The following PADI2 variants were observed in gnomAD, a reference collection of about 807,000 sequenced individuals.
The protein encoded by PADI2 is protein-arginine deiminase type-2.
In PADI2, 70 loss-of-function variants were observed where a neutral mutation model predicts 81.1. The ratio of observed to expected loss-of-function variants is 0.86; its 90% confidence interval spans 0.71 to 1.05. The LOEUF (loss-of-function observed/expected upper bound fraction) is 1.05. PADI2 is among the 50% of genes least tolerant of loss of function. The pLI, the probability that PADI2 is intolerant of heterozygous loss-of-function variation, is 0.00. For missense variants in PADI2, 853 were observed against 889.9 expected (o/e 0.96, Z 0.53); for synonymous variants, 338 against 358.0 (o/e 0.94, Z 0.63).
chr1:17,100,247 T>C (rs537711984), intron 3 of PADI2, among the ~76,000 whole-genome samples: 1 of 152,352 alleles, frequency 6.6e-6, no homozygotes, highest in African/African-American at 2.4e-5. Flanking sequence ...TAGTTTCTTT[T>C]TGCAATTGAA....
Position 17,093,602 on chromosome 1 carries a change from T to A in PADI2, c.494A>T (p.Glu165Val). ...GTAGACCTTCTCATCACGGCAGTCC[T>A]CCTTGGGCAACCAGGGTGTCTCTCG... Reference protein sequence around the residue: ...CDRETPWLPKEDCRDEKVYSK... With the variant: ...CDRETPWLPKVDCRDEKVYSK... The change falls in exon 5 of 16, where the codon GAG (glutamate) becomes GTG (valine). Residue 165 changes from glutamate to valine, a missense_variant. Glu to Val is a moderately radical substitution (Grantham distance 121). Transcript: ENST00000375486. 6.2e-7 allele frequency: 1 copy of A among 1,613,942 alleles called. No homozygotes were observed. Among genetic ancestry groups the A allele is most frequent in the South Asian group, 1.1e-5 (1 of 91,062 alleles).
chr1:17,069,138 A>G lies in PADI2; in HGVS notation c.1904T>C (p.Ile635Thr). Residue 635 changes from isoleucine (I) to threonine (T), a missense_variant, in exon 16 of 16, where the codon ATT (isoleucine) becomes ACT (threonine). Coordinates refer to ENST00000375486, the MANE Select transcript of PADI2 (RefSeq NM_007365.3). ...CCCCAGAAATTTGTGGTAGGCAGAA[A>G]TGTCGTCGATGAAGGTGCATTCGAG... ...LGLECTFIDD[I>T]SAYHKFLGEV... is the part of the protein sequence containing the mutation. 1 of 1,614,234 alleles carries G rather than the reference A, an allele frequency of 6.2e-7. No individual in the cohort carries two copies. Among genetic ancestry groups the G allele is most frequent in the Non-Finnish European group, 8.5e-7 (1 of 1,180,040 alleles).
chr1:17,079,436 T>C, intron 10 of PADI2, 21 bp from the exon 11 acceptor site: 1 of 1,601,976 alleles, frequency 6.2e-7, no homozygotes, highest in Non-Finnish European at 8.5e-7. Flanking sequence ...GGCACACACC[T>C]GCGTTAGTCT....
chr1:17,091,710 C>G (rs953438150), intron 6 of PADI2, among the ~76,000 whole-genome samples: 2 of 152,170 alleles, frequency 1.3e-5, no homozygotes, highest in Non-Finnish European at 2.9e-5. Context: ...AGGCACCCAT[C>G]TAGTGGTGCC....
At chr1:17,098,806 C>G (rs1931037730) in intron 3 of PADI2, among the ~76,000 whole-genome samples, 1 of 152,364 alleles carries the variant, frequency 6.6e-6, no homozygotes, top group African/African-American at 2.4e-5. Flanking sequence ...GACTTCGCCC[C>G]TGCAAGGCTT....
chr1:17,102,945 C>A, intron 3 of PADI2, 42 bp downstream of exon 3: 1 of 1,473,268 alleles, frequency 6.8e-7, no homozygotes, highest in Non-Finnish European at 9.5e-7. Context: ...GTGCCAGGCC[C>A]TGGGTGATGA....
intron 1 of PADI2, among the ~76,000 whole-genome samples, chr1:17,112,924 G>A (rs1931634265): frequency 6.6e-6 from 1 of 152,180 alleles, no homozygotes; most frequent in African/African-American, 2.4e-5. Context: ...CTCTGAAGCT[G>A]TGCCCTTTCT....
intron 1 of PADI2, among the ~76,000 whole-genome samples, chr1:17,114,443 C>T (rs986497273): frequency 2.0e-5 from 3 of 152,160 alleles, no homozygotes; most frequent in African/African-American, 7.2e-5. Context: ...CTGGCTGTGC[C>T]ATCCTGGACA....
chr1:17,086,493 C>T, intron 7 of PADI2, 28 bp downstream of exon 7: 1 of 1,594,730 alleles, frequency 6.3e-7, no homozygotes, highest in Non-Finnish European at 8.6e-7. Context: ...GGGGTTAGCC[C>T]CCTGTGGTGG....
intron 13 of PADI2, among the ~76,000 whole-genome samples, chr1:17,072,523 A>G (rs1445864572): frequency 6.6e-6 from 1 of 152,096 alleles, no homozygotes; most frequent in African/African-American, 2.4e-5. Flanking sequence ...TCCAGCGGAG[A>G]TCTTGGCTCT....
At chr1:17,097,932 G>A (rs923289593) in intron 3 of PADI2, among the ~76,000 whole-genome samples, 3 of 152,110 alleles carry the variant, frequency 2.0e-5, no homozygotes, top group African/African-American at 7.2e-5. Context: ...GAGCCACTCT[G>A]TCCTTTTCAA....
Position 17,095,975 on chromosome 1 carries a change from G to A in PADI2, c.350-5C>T, listed in dbSNP as rs1930911171. 1.2e-6 allele frequency: 2 copies of A among 1,601,656 alleles called. No individual in the cohort carries two copies. ...CGTCCACATCCAGGGAGATCTCTGG[G>A]GAGAAGAGACATGGGTGAGTTGCTG... On this transcript the variant is annotated splice_polypyrimidine_tract_variant and splice_region_variant and intron_variant, in intron 3 of 15. Transcript: ENST00000375486.
In PADI2 at chr1:17,069,059, C is replaced by T. The variant is rs768132959; in HGVS notation, c.1983G>A (p.Trp661Ter). The T allele has an allele frequency of 6.2e-7, 1 of 1,613,846 alleles. No individual in the cohort carries two copies. The highest frequency in any genetic ancestry group is 1.1e-5 in the South Asian group (1 of 91,082). Residue 661 changes from tryptophan (W) to a stop codon, truncating the protein, a stop_gained, in exon 16 of 16, where the codon TGG becomes TGA. Coordinates refer to ENST00000375486, the MANE Select transcript of PADI2 (RefSeq NM_007365.3). LOFTEE classifies it high-confidence loss of function. ...VRRKPFTFKW[W>*]HMVP ...CCCTGGCAGGTCAGGGCACCATGTG[C>T]CACCACTTGAAGGTGAAGGGCTTCC...
At chr1:17,104,466 G>A (rs1180399739) in intron 2 of PADI2, among the ~76,000 whole-genome samples, 6 of 93,392 alleles carry the variant, frequency 6.4e-5, no homozygotes, top group South Asian at 4.5e-4. Flanking sequence ...ACGGAGTCTC[G>A]CTCTGTCGCC....
At chr1:17,113,177 A>C (rs983329818) in intron 1 of PADI2, among the ~76,000 whole-genome samples, 8 of 152,188 alleles carry the variant, frequency 5.3e-5, no homozygotes, top group African/African-American at 1.9e-4. Context: ...CTTTGAGGAG[A>C]GGGATCAGGT....
intron 4 of PADI2, among the ~76,000 whole-genome samples, chr1:17,094,292 C>T (rs1435587785): frequency 6.6e-6 from 1 of 152,218 alleles, no homozygotes; most frequent in African/African-American, 2.4e-5. Flanking sequence ...TCTCCTCCGC[C>T]TTGCCCCTCG....
intron 13 of PADI2, among the ~76,000 whole-genome samples, chr1:17,073,706 C>G (rs1467470635): frequency 6.6e-6 from 1 of 152,032 alleles, no homozygotes; most frequent in Non-Finnish European, 1.5e-5. Context: ...CCCCAAATCA[C>G]ACAATACACC....
chr1:17,102,909 C>T, intron 3 of PADI2, 78 bp downstream of exon 3: 2 of 1,088,594 alleles, frequency 1.8e-6, no homozygotes, highest in East Asian at 2.5e-5. Context: ...CTGAGAACCG[C>T]CTAAGTGCCC....
At chr1:17,078,564 T>C (rs2078321769) in intron 11 of PADI2, among the ~76,000 whole-genome samples, 1 of 152,114 alleles carries the variant, frequency 6.6e-6, no homozygotes, top group Admixed American at 6.5e-5. Flanking sequence ...ATACTTGTAT[T>C]TTTAGTAAAG....
Sources: gnomAD v4.1 joint callset for allele counts (sites outside exome capture counted in the v4.1 genomes callset) on GRCh38, gnomAD v4.1.1 for gene constraint, MANE v1.5 for transcripts, NCBI Gene and HGNC (gene_info 2026-07-23, HGNC 2026-07-21) for gene names.